Variants in KAZN observed in about 807,000 individuals in gnomAD.
The protein encoded by KAZN is kazrin, periplakin interacting protein.
Under a neutral mutation model 87.4 loss-of-function variants are expected in KAZN, and 40 were observed. The observed-to-expected ratio is 0.46, with a 90% confidence interval of 0.36 to 0.60. KAZN has a LOEUF of 0.60. KAZN is among the 20% of genes least tolerant of loss of function. KAZN has a pLI of 0.00. For missense variants in KAZN, 898 were observed against 1,073.9 expected, an observed-to-expected ratio of 0.84 and a Z score of 2.29; for synonymous variants, 466 against 458.3, an observed-to-expected ratio of 1.02 and a Z score of -0.22.
intron 1 of KAZN, among the ~76,000 whole-genome samples, chr1:14,672,320 C>A (rs1187067253): frequency 6.6e-6 from 1 of 152,204 alleles, no homozygotes; most frequent in Non-Finnish European, 1.5e-5. Flanking sequence ...AAAGTCAAGT[C>A]TTTTCTGCAG....
chr1:14,683,952 G>A (rs917468164), intron 1 of KAZN, among the ~76,000 whole-genome samples: 2 of 152,106 alleles, frequency 1.3e-5, no homozygotes, highest in African/African-American at 2.4e-5. Flanking sequence ...TTTTTCTTAT[G>A]CACTGGAGTA....
chr1:14,953,166 T>A (rs536542506), intron 1 of KAZN, among the ~76,000 whole-genome samples: 1 of 152,226 alleles, frequency 6.6e-6, no homozygotes, highest in Non-Finnish European at 1.5e-5. Flanking sequence ...GCTGACTCCA[T>A]GGCCACACCC....
At chr1:14,916,937 G>C (rs1657879434) in intron 1 of KAZN, among the ~76,000 whole-genome samples, 1 of 151,946 alleles carries the variant, frequency 6.6e-6, no homozygotes, top group African/African-American at 2.4e-5. Flanking sequence ...TTTAACTTGG[G>C]GCTCGTGACA....
At chr1:14,198,656 G>C (rs1646578019) in intron 2 of KAZN, among the ~76,000 whole-genome samples, 1 of 152,170 alleles carries the variant, frequency 6.6e-6, no homozygotes, top group Admixed American at 6.5e-5. Flanking sequence ...AGCAGGGAGA[G>C]AAGGTAAGAA....
At chr1:14,595,168 T>C (rs1314230927), upstream of KAZN, among the ~76,000 whole-genome samples, 1 of 151,534 alleles carries the variant, frequency 6.6e-6, no homozygotes, top group Admixed American at 6.6e-5. Context: ...CTGCTTAGTA[T>C]ATCTGCAAAC....
In KAZN at chr1:13,961,719, C is replaced by T. The variant is rs574728863; in HGVS notation, c.91+67963C>T. Among the ~76,000 whole-genome samples, 4 of 152,252 alleles carry T rather than the reference C, an allele frequency of 2.6e-5. No homozygotes were observed. The South Asian group carries it at 8.3e-4, about 32-fold the overall frequency. Reference sequence around the variant, plus strand: ...TAGCCCACAGGGACTCAGACAAGGACCATACCTGACCTCACCTTGAGATTC... The same window carrying T: ...TAGCCCACAGGGACTCAGACAAGGATCATACCTGACCTCACCTTGAGATTC... On this transcript the variant is annotated intron_variant, in intron 1 of 16. Coordinates refer to the KAZN transcript ENST00000636203.
intron 10 of KAZN, among the ~76,000 whole-genome samples, chr1:15,095,793 G>A (rs747246405): frequency 4.0e-4 from 61 of 152,296 alleles, no homozygotes; most frequent in Non-Finnish European, 1.8e-4. Flanking sequence ...TTAGAAGCAG[G>A]GTTTGGGGTG....
intron 2 of KAZN, among the ~76,000 whole-genome samples, chr1:14,588,572 A>G (rs1165779905): frequency 6.6e-6 from 1 of 152,212 alleles, no homozygotes. Context: ...TGTGCCCCCC[A>G]GCAGGGCTCC....
At chr1:14,721,676 A>G (rs1444912929) in intron 1 of KAZN, among the ~76,000 whole-genome samples, 3 of 152,166 alleles carry the variant, frequency 2.0e-5, no homozygotes, top group East Asian at 3.9e-4. Context: ...CAGATTTCCA[A>G]CACATTTCTG....
chr1:14,776,104 G>A (rs1170590732), intron 1 of KAZN, among the ~76,000 whole-genome samples: 2 of 152,178 alleles, frequency 1.3e-5, no homozygotes, highest in Non-Finnish European at 2.9e-5. Flanking sequence ...CTGCCTCCTA[G>A]ATTCAAGCGA....
intron 1 of KAZN, among the ~76,000 whole-genome samples, chr1:13,993,234 G>A (rs187608148): frequency 1.3e-5 from 2 of 152,184 alleles, no homozygotes; most frequent in Non-Finnish European, 2.9e-5. Flanking sequence ...ACTGCAGGGG[G>A]TTGGAGGGAG....
chr1:14,765,446 C>G lies in KAZN; in HGVS notation c.226+166223C>G, dbSNP rs997296946. On this transcript the variant is annotated intron_variant, in intron 1 of 14. Coordinates refer to ENST00000376030, the MANE Select transcript of KAZN (RefSeq NM_201628.3). ...GTATAGCCCAGTCTGGGGTATGGTC[C>G]TTGTCCCCCAGATCTAGAACTTGCC... 5.9e-5 allele frequency among the ~76,000 whole-genome samples: 9 copies of G among 152,308 alleles called. No homozygotes were observed. The South Asian group carries it at 1.2e-3, about 21-fold the overall frequency.
At chr1:14,120,074 C>T (rs967486680) in intron 1 of KAZN, among the ~76,000 whole-genome samples, 2 of 152,076 alleles carry the variant, frequency 1.3e-5, no homozygotes, top group African/African-American at 4.8e-5. Flanking sequence ...TGTATTAATC[C>T]GTTCTTGCAT....
At chr1:14,986,779 T>G (rs1666866298) in intron 2 of KAZN, among the ~76,000 whole-genome samples, 1 of 152,198 alleles carries the variant, frequency 6.6e-6, no homozygotes, top group Admixed American at 6.5e-5. Flanking sequence ...GAGCTCTGAC[T>G]GGCTGCCTTC....
intron 1 of KAZN, among the ~76,000 whole-genome samples, chr1:14,007,873 C>T (rs61777681): frequency 0.096 from 14,667 of 152,186 alleles, 885 homozygotes; most frequent in Non-Finnish European, 0.14. Flanking sequence ...AGTGTTGGAA[C>T]AGGATTCAAG....
intron 2 of KAZN, among the ~76,000 whole-genome samples, chr1:14,580,367 C>T (rs975459585): frequency 3.3e-5 from 5 of 151,996 alleles, no homozygotes; most frequent in Admixed American, 6.6e-5. Flanking sequence ...CCCAGCTACT[C>T]GGAAGGCTGA....
chr1:14,334,300 G>T (rs369911791), intron 2 of KAZN, among the ~76,000 whole-genome samples: 10 of 131,772 alleles, frequency 7.6e-5, no homozygotes, highest in Admixed American at 1.8e-4. Flanking sequence ...AAGAAGCAGA[G>T]GTTGCAGTGA....
chr1:14,805,298 C>T (rs147536290), intron 1 of KAZN, among the ~76,000 whole-genome samples: 98 of 152,166 alleles, frequency 6.4e-4, no homozygotes, highest in African/African-American at 2.3e-3. Flanking sequence ...GCTTCAGGGC[C>T]GAAGCTGACT....
intron 1 of KAZN, among the ~76,000 whole-genome samples, chr1:14,037,775 A>T (rs1641624009): frequency 6.6e-6 from 1 of 152,122 alleles, no homozygotes; most frequent in Admixed American, 6.5e-5. Flanking sequence ...GTGCTGCCTG[A>T]GTTGGTTTCT....
Sources: allele counts gnomAD v4.1 joint callset (sites outside exome capture counted in the v4.1 genomes callset), GRCh38; gene constraint gnomAD v4.1.1; transcripts MANE v1.5; gene names NCBI Gene and HGNC (gene_info 2026-07-23, HGNC 2026-07-21).